Variants in COL24A1 observed in about 807,000 individuals in gnomAD.
COL24A1 encodes collagen type XXIV alpha 1 chain.
In COL24A1, 224 loss-of-function variants were observed where a neutral mutation model predicts 253.9. That is an observed-to-expected ratio of 0.88 (90% CI 0.79 to 0.99). The LOEUF is 0.99. COL24A1 is among the 50% of genes least tolerant of loss of function. The probability of loss-of-function intolerance (pLI) is 0.00; values close to 1 mark genes in which losing one functional copy is unlikely to be tolerated. For synonymous variants in COL24A1, 685 were observed against 673.7 expected, an observed-to-expected ratio of 1.02 and a Z score of -0.26; for missense variants, 2,131 against 2,068.5, an observed-to-expected ratio of 1.03 and a Z score of -0.59.
Position 86,124,855 on chromosome 1 carries a change from G to T in COL24A1, c.1481C>A (p.Thr494Asn). Residue 494 changes from threonine to asparagine, a missense_variant, in exon 3 of 60, where the codon ACT becomes AAT. By Grantham distance (65) the Thr-to-Asn change is moderately conservative. Coordinates refer to ENST00000370571, the MANE Select transcript of COL24A1 (RefSeq NM_152890.7). ...AAAAAAAAAACTTACGGGAGGTCCA[G>T]TGTCTCCTTTTGGCCCTCTCAGATA... ...MEYLRGPKGD[T>N]GPPGPPGPAG... The T allele has an allele frequency of 6.5e-7, 1 of 1,547,654 alleles. No homozygotes were observed.
intron 18 of COL24A1, among the ~76,000 whole-genome samples, chr1:86,018,680 T>TACAAA (rs1697219503): frequency 6.6e-6 from 1 of 152,238 alleles, no homozygotes; most frequent in East Asian, 1.9e-4. Context: ...GCAAATTTCC[T>TACAAA]ATGAATGTCA....
At chr1:85,758,024 A>C (rs771031950) in intron 55 of COL24A1, among the ~76,000 whole-genome samples, 9 of 152,300 alleles carry the variant, frequency 5.9e-5, no homozygotes, top group Non-Finnish European at 1.3e-4. Flanking sequence ...TGAAATAATG[A>C]GGGGAATTAG....
chr1:86,067,916 T>C (rs745368074), intron 7 of COL24A1, among the ~76,000 whole-genome samples: 6 of 152,222 alleles, frequency 3.9e-5, no homozygotes, highest in Non-Finnish European at 7.3e-5. Context: ...AACTAGCATA[T>C]GATTTTTCTC....
intron 31 of COL24A1, among the ~76,000 whole-genome samples, chr1:85,893,373 C>T (rs545301184): frequency 1.3e-5 from 2 of 151,520 alleles, no homozygotes; most frequent in African/African-American, 2.4e-5. Flanking sequence ...TTTAAAAATA[C>T]ATAAAGAAAA....
chr1:86,110,849 C>T (rs1705504211), intron 5 of COL24A1, among the ~76,000 whole-genome samples: 1 of 152,000 alleles, frequency 6.6e-6, no homozygotes. Flanking sequence ...GGCTGCCGCG[C>T]GGCCCAAGCC....
intron 24 of COL24A1, among the ~76,000 whole-genome samples, chr1:85,916,221 C>T (rs1685880878): frequency 6.6e-6 from 1 of 152,130 alleles, no homozygotes. Context: ...CAGATGCACT[C>T]TTTACTTTGC....
intron 28 of COL24A1, among the ~76,000 whole-genome samples, chr1:85,897,500 A>G (rs1261000884): frequency 6.6e-6 from 1 of 152,186 alleles, no homozygotes; most frequent in Non-Finnish European, 1.5e-5. Flanking sequence ...TGTACCTGCT[A>G]TGCAACTGCT....
chr1:86,030,743 T>C (rs1698491810), intron 14 of COL24A1, among the ~76,000 whole-genome samples: 2 of 136,928 alleles, frequency 1.5e-5, no homozygotes, highest in South Asian at 2.2e-4. Flanking sequence ...AATTTTCTTT[T>C]TTCTTTCTTT....
chr1:86,068,780 G>A (rs1701665842), intron 7 of COL24A1, among the ~76,000 whole-genome samples: 1 of 152,030 alleles, frequency 6.6e-6, no homozygotes, highest in South Asian at 2.1e-4. Context: ...TTGGATACCA[G>A]CTCAGCCACA....
chr1:85,862,383 A>G (rs1392805681), intron 37 of COL24A1, among the ~76,000 whole-genome samples: 1 of 151,390 alleles, frequency 6.6e-6, no homozygotes, highest in Admixed American at 6.6e-5. Context: ...AAGACAATGA[A>G]TTTTTTTAAA....
rs771636262 is a variant in COL24A1 at position 85,730,642 on chromosome 1, T to C, written c.5049A>G (p.Glu1683=). The C allele has an allele frequency of 2.5e-6, 4 of 1,613,916 alleles. No homozygotes were observed. The African/African-American group carries it at 5.3e-5, about 22-fold the overall frequency. ...CTTCAATCACTGGAAGTTGATTAGG[T>C]TCCTGGGTGTGAAAAAGAAATGTTG... ...HKATFLFHTQ[E]PNQLPVIEVQ... The change falls in exon 60 of 60, where the codon GAA becomes GAG. Residue 1683 remains glutamate, a synonymous_variant. Coordinates refer to ENST00000370571, the MANE Select transcript of COL24A1 (RefSeq NM_152890.7).
At chr1:85,784,738 A>G (rs1669506654) in intron 48 of COL24A1, among the ~76,000 whole-genome samples, 1 of 151,776 alleles carries the variant, frequency 6.6e-6, no homozygotes, top group African/African-American at 2.4e-5. Flanking sequence ...TATTTATTTT[A>G]TTTTTTATTA....
chr1:85,921,655 C>A (rs572831703), intron 24 of COL24A1, among the ~76,000 whole-genome samples: 1 of 152,126 alleles, frequency 6.6e-6, no homozygotes, highest in Non-Finnish European at 1.5e-5. Flanking sequence ...ACACAAAAAC[C>A]CCACCTGTAG....
At chr1:85,782,716 C>A (rs313723) in intron 51 of COL24A1, among the ~76,000 whole-genome samples, 138,960 of 152,256 alleles carry the variant, frequency 0.91, 63,822 homozygotes, top group Non-Finnish European at 0.96. Context: ...CCTACATCTG[C>A]ACTGCTTCCC....
chr1:85,988,686 G>C (rs1485865798), intron 19 of COL24A1, among the ~76,000 whole-genome samples: 1 of 152,030 alleles, frequency 6.6e-6, no homozygotes, highest in East Asian at 1.9e-4. Context: ...TTCAGTGAAG[G>C]GATAAGTTGT....
At chr1:85,842,150 A>T in intron 40 of COL24A1, 29 bp from the exon 41 acceptor site, 1 of 1,599,336 alleles carries the variant, frequency 6.3e-7, no homozygotes, top group Non-Finnish European at 8.6e-7. Context: ...ACATTTATAC[A>T]TGCTCTACCT....
chr1:85,899,839 C>G (rs1425613600), intron 28 of COL24A1, among the ~76,000 whole-genome samples: 1 of 152,072 alleles, frequency 6.6e-6, no homozygotes, highest in African/African-American at 2.4e-5. Flanking sequence ...CCAAATCCCA[C>G]TTTTTAAGAT....
intron 47 of COL24A1, among the ~76,000 whole-genome samples, chr1:85,810,308 A>G (rs1175180578): frequency 6.6e-6 from 1 of 152,134 alleles, no homozygotes; most frequent in Admixed American, 6.5e-5. Flanking sequence ...AGGGGAGGGG[A>G]ACCCTTCCTT....
rs187387365 is a variant in COL24A1 at position 85,890,586 on chromosome 1, A to G, written c.2923-973T>C. Among the ~76,000 whole-genome samples, 279 of 151,902 alleles carry G rather than the reference A, an allele frequency of 1.8e-3. 2 individuals are homozygous for G. Among genetic ancestry groups the G allele is most frequent in the African/African-American group, 4.6e-3 (192 of 41,468 alleles). On this transcript the variant is annotated intron_variant, in intron 31 of 59. Coordinates refer to ENST00000370571, the MANE Select transcript of COL24A1 (RefSeq NM_152890.7). ...CAAGTCCTTTGCTCATTTTTCCATC[A>G]GGTTGTTTTTTTATTCTTGAGTTGT...
Sources: gnomAD v4.1 joint callset for allele counts (sites outside exome capture counted in the v4.1 genomes callset) on GRCh38, gnomAD v4.1.1 for gene constraint, MANE v1.5 for transcripts, NCBI Gene and HGNC (gene_info 2026-07-23, HGNC 2026-07-21) for gene names.